CYP4Z1: variants seen among roughly 807,000 people sequenced by gnomAD.
CYP4Z1 encodes the protein cytochrome P450 family 4 subfamily Z member 1.
CYP4Z1 carries 41 observed loss-of-function variants against 54.2 expected under a neutral mutation model. That is an observed-to-expected ratio of 0.76 (90% CI 0.59 to 0.98). The LOEUF is 0.98. CYP4Z1 is among the 50% of genes least tolerant of loss of function. The probability of loss-of-function intolerance (pLI) is 0.00; values close to 1 mark genes in which losing one functional copy is unlikely to be tolerated. For missense variants in CYP4Z1, 513 were observed against 599.0 expected (o/e 0.86, Z 1.50); for synonymous variants, 163 against 206.2 (o/e 0.79, Z 1.79).
At chr1:47,059,784 C>A in the CYP4Z1 span, among the ~76,000 whole-genome samples, 1 of 152,132 alleles carries the variant, frequency 6.6e-6, no homozygotes. Context: ...TCCCCTGGGA[C>A]GGAGGCTGAT....
At chr1:47,076,937 A>C (rs1288022892) in intron 2 of CYP4Z1, among the ~76,000 whole-genome samples, 1 of 148,170 alleles carries the variant, frequency 6.7e-6, no homozygotes, top group African/African-American at 2.5e-5. Context: ...GTTTTATTCT[A>C]TGGAGAGGTA....
At chr1:47,086,545 GT>G (rs1334141929) in intron 6 of CYP4Z1, among the ~76,000 whole-genome samples, 25 of 152,052 alleles carry the variant, frequency 1.6e-4, no homozygotes, top group Admixed American at 3.3e-4. Flanking sequence ...GGGGTTGTTT[GT>G]TTTTTTCTTG....
chr1:47,069,097 C>T (rs1569696005), intron 2 of CYP4Z1, among the ~76,000 whole-genome samples: 1 of 152,234 alleles, frequency 6.6e-6, no homozygotes, highest in East Asian at 1.9e-4. Context: ...TGGTGGTTTG[C>T]TTACAATTGG....
intron 1 of CYP4Z1, among the ~76,000 whole-genome samples, chr1:47,068,385 G>A (rs897985529): frequency 9.9e-5 from 15 of 152,248 alleles, no homozygotes; most frequent in East Asian, 1.9e-4. Flanking sequence ...CAAAGTTGAC[G>A]CTGGAGTGAG....
At position 47,094,661 on chromosome 1, in the gene CYP4Z1, A is replaced by C. The variant is rs575780043; in HGVS notation, c.868A>C (p.Ser290Arg). 7.2e-5 allele frequency: 116 copies of C among 1,609,608 alleles called. 1 individual carries two copies. The South Asian group carries it at 1.2e-3, about 17-fold the overall frequency. ...CTGGGATTTTCTGGACATACTTTTGAGTGCCAAAGTAAGTCTTCTAAACTT... is the reference window on the plus strand; with the variant it reads ...CTGGGATTTTCTGGACATACTTTTGCGTGCCAAAGTAAGTCTTCTAAACTT... ...RRWDFLDILL[S>R]AKSENTKDFS... Residue 290 changes from serine to arginine, a missense_variant, in exon 7 of 12, where the codon AGT becomes CGT. By Grantham distance (110) the Ser-to-Arg change is moderately radical. Coordinates refer to ENST00000334194, the MANE Select transcript of CYP4Z1 (RefSeq NM_178134.3).
chr1:47,100,978 G>A (rs1284534261), intron 8 of CYP4Z1, among the ~76,000 whole-genome samples: 10 of 152,182 alleles, frequency 6.6e-5, no homozygotes, highest in African/African-American at 2.2e-4. Context: ...TCCCAGTTCA[G>A]TCTGGGTAGG....
chr1:47,056,044 C>T, the CYP4Z1 span, among the ~76,000 whole-genome samples: 1 of 152,198 alleles, frequency 6.6e-6, no homozygotes, highest in African/African-American at 2.4e-5. Context: ...CCTGCTTTCT[C>T]TTGTGGGCAT....
upstream of CYP4Z1, among the ~76,000 whole-genome samples, chr1:47,066,183 G>GAAGCCAGT (rs1262526598): frequency 1.4e-4 from 22 of 152,116 alleles, no homozygotes; most frequent in Admixed American, 9.8e-4. Flanking sequence ...ATCACTCTGT[G>GAAGCCAGT]AAGCCAGTAT....
intron 9 of CYP4Z1, 168 bp from the exon 10 acceptor site, chr1:47,115,361 G>A: frequency 1.8e-6 from 1 of 559,534 alleles, no homozygotes; most frequent in Non-Finnish European, 3.2e-6. Flanking sequence ...ACGAGTTAAT[G>A]GGTGCAGCAC....
chr1:47,078,846 C>A (rs1644543845), intron 2 of CYP4Z1, among the ~76,000 whole-genome samples: 1 of 146,360 alleles, frequency 6.8e-6, no homozygotes, highest in Non-Finnish European at 1.5e-5. Context: ...CTTATCAGGT[C>A]TTTTCCAACC....
upstream of CYP4Z1, among the ~76,000 whole-genome samples, chr1:47,064,618 A>G (rs1299789645): frequency 6.6e-6 from 1 of 152,174 alleles, no homozygotes; most frequent in Non-Finnish European, 1.5e-5. Flanking sequence ...CACAGGATCT[A>G]CATAACAAAA....
At chr1:47,105,316 C>T (rs1644749065) in intron 8 of CYP4Z1, among the ~76,000 whole-genome samples, 1 of 152,090 alleles carries the variant, frequency 6.6e-6, no homozygotes, top group Non-Finnish European at 1.5e-5. Flanking sequence ...CCAGATGATG[C>T]CACACTGCAG....
chr1:47,059,308 TAGA>T, the CYP4Z1 span, among the ~76,000 whole-genome samples: 1 of 152,178 alleles, frequency 6.6e-6, no homozygotes, highest in African/African-American at 2.4e-5. Flanking sequence ...GTTGCAGCTA[TAGA>T]AGGTTACCAT....
chr1:47,057,521 T>G, the CYP4Z1 span, among the ~76,000 whole-genome samples: 2 of 147,642 alleles, frequency 1.4e-5, no homozygotes, highest in African/African-American at 4.9e-5. Context: ...TTTTTTAGAT[T>G]GCATATCTTC....
At position 47,067,255 on chromosome 1, in the gene CYP4Z1, A is replaced by G. The variant is rs1394419460; in HGVS notation, c.-236A>G. Among the ~76,000 whole-genome samples, 1 of 152,174 alleles carries G rather than the reference A, an allele frequency of 6.6e-6. No homozygotes were observed. The highest frequency in any genetic ancestry group is 1.9e-4 in the East Asian group (1 of 5,200). ...CATATGGGTGTGAGCTGTCATGCAC[A>G]TGGCTCCTATCTGAAAATCTTGTTC... is the stretch of plus-strand genomic sequence containing the variant. On this transcript the variant is annotated 5_prime_UTR_variant, in exon 1 of 12. An upstream start codon of the reference 5' UTR is lost. Transcript: ENST00000334194.
chr1:47,115,504 C>T lies in CYP4Z1; in HGVS notation c.1202-25C>T, dbSNP rs113184885. The T allele has an allele frequency of 3.1e-3, 5,058 of 1,606,266 alleles. 131 individuals are homozygous for T. The African/African-American group carries it at 0.058, about 18-fold the overall frequency. The stretch of plus-strand genomic sequence containing the variant: ...GACAGAATCTTCGCTCATGCACTTA[C>T]CTGCTTTTTCTTCTGTTTACTCAGG... On this transcript the variant is annotated intron_variant, in intron 9 of 11. Transcript: ENST00000334194.
chr1:47,102,264 T>C (rs1369748476), intron 8 of CYP4Z1, among the ~76,000 whole-genome samples: 1 of 152,236 alleles, frequency 6.6e-6, no homozygotes, highest in Non-Finnish European at 1.5e-5. Flanking sequence ...TTATTACTGA[T>C]ATGTGATGGC....
At position 47,114,893 on chromosome 1, in the gene CYP4Z1, T is replaced by C. The variant is rs573204788; in HGVS notation, c.1202-636T>C. Reference sequence around the variant, plus strand: ...CATTGTGGAAGTCAGTGTGGCGATTTCTCAGGGATCTAGAACTAGAAATAC... The same window carrying C: ...CATTGTGGAAGTCAGTGTGGCGATTCCTCAGGGATCTAGAACTAGAAATAC... On this transcript the variant is annotated intron_variant, in intron 9 of 11. Transcript: ENST00000334194. 4.2e-3 allele frequency among the ~76,000 whole-genome samples: 632 copies of C among 152,272 alleles called. 3 individuals are homozygous for C. The highest frequency in any genetic ancestry group is 0.014 in the African/African-American group (583 of 41,556).
At chr1:47,062,115 C>T in the CYP4Z1 span, among the ~76,000 whole-genome samples, 1 of 152,110 alleles carries the variant, frequency 6.6e-6, no homozygotes, top group Non-Finnish European at 1.5e-5. Context: ...CCTTGAAAAC[C>T]AGCACAAGAC....
Sources: gnomAD v4.1 joint callset for allele counts (sites outside exome capture counted in the v4.1 genomes callset) on GRCh38, gnomAD v4.1.1 for gene constraint, MANE v1.5 for transcripts, NCBI Gene and HGNC (gene_info 2026-07-23, HGNC 2026-07-21) for gene names.